Variants in PI4KA observed in about 807,000 individuals in gnomAD.
PI4KA encodes the protein PI4-kinase alpha.
Under a neutral mutation model 271.4 loss-of-function variants are expected in PI4KA, and 122 were observed. The ratio of observed to expected loss-of-function variants is 0.45; its 90% CI spans 0.39 to 0.52. PI4KA has a LOEUF of 0.52. Among genes scored for constraint, PI4KA ranks in the 20% least tolerant of loss-of-function variants. The probability of loss-of-function intolerance (pLI) is 0.00; values close to 1 mark genes in which losing one functional copy is unlikely to be tolerated. For missense variants in PI4KA, 1,969 were observed against 2,769.1 expected, an observed-to-expected ratio of 0.71 and a Z score of 6.48; for synonymous variants, 1,041 against 1,078.8, an observed-to-expected ratio of 0.96 and a Z score of 0.69.
intron 19 of PI4KA, among the ~76,000 whole-genome samples, chr22:20,780,775 C>CAAAAAAAAAAAAAAAAAAAA (rs538327544): frequency 5.8e-4 from 39 of 67,600 alleles, no homozygotes; most frequent in African/African-American, 1.1e-3. Flanking sequence ...GACTCCATCT[C>CAAAAAAAAAAAAAAAAAAAA]AAAAAAAAAA....
At chr22:20,818,956 T>C (rs541244654) in intron 6 of PI4KA, among the ~76,000 whole-genome samples, 14 of 152,100 alleles carry the variant, frequency 9.2e-5, no homozygotes, top group Non-Finnish European at 1.8e-4. Context: ...ACACCACCTG[T>C]AGGGTATTTG....
Position 20,805,832 on chromosome 22 carries a change from C to CA in PI4KA, c.1169-668dup, listed in dbSNP as rs362153. On this transcript the variant is annotated intron_variant, in intron 10 of 54. Coordinates refer to ENST00000255882, the MANE Select transcript of PI4KA (RefSeq NM_058004.4). ...GGGCGACAGAGCGAGACTCCCATCT[C>CA]AAAAAAAAAAAAAAAAAGAAAGAAA... Among the ~76,000 whole-genome samples the CA allele has an allele frequency of 2.9e-3, 307 of 105,156 alleles. 3 individuals carry two copies. The highest frequency in any genetic ancestry group is 0.011 in the East Asian group (40 of 3,748). The allele number at this position is 105,156 out of a possible 152,430, so 69.0% of individuals were successfully genotyped here.
chr22:20,844,611 T>C (rs1331313666), intron 1 of PI4KA, among the ~76,000 whole-genome samples: 1 of 152,220 alleles, frequency 6.6e-6, no homozygotes, highest in East Asian at 1.9e-4. Context: ...CAAAATGCTC[T>C]TGGAAACTGG....
At chr22:20,737,634 C>CTTT (rs760945752) in intron 32 of PI4KA, among the ~76,000 whole-genome samples, 4,743 of 141,270 alleles carry the variant, frequency 0.034, 112 homozygotes, top group Middle Eastern at 0.067. Context: ...TACTCTTTTT[C>CTTT]TTTTTTTTTT....
At position 20,764,960 on chromosome 22, in the gene PI4KA, G is replaced by C. The variant is rs1328621925; in HGVS notation, c.2575-10C>G. The C allele has an allele frequency of 6.2e-7, 1 of 1,600,732 alleles. No individual in the cohort carries two copies. Among genetic ancestry groups the C allele is most frequent in the Admixed American group, 1.7e-5 (1 of 59,340 alleles). On this transcript the variant is annotated splice_polypyrimidine_tract_variant and intron_variant, in intron 21 of 54. Transcript: ENST00000255882. ...GCTCACTCAGCTCAGCCTGGAGGGA[G>C]AGAAACATCCGAGGGCTCATGGGGC...
chr22:20,808,684 A>C (rs545164561), intron 9 of PI4KA, among the ~76,000 whole-genome samples: 3 of 143,580 alleles, frequency 2.1e-5, no homozygotes, highest in Non-Finnish European at 4.6e-5. Flanking sequence ...CGTTTTTTTC[A>C]TTTTTTTTTT....
intron 2 of PI4KA, among the ~76,000 whole-genome samples, chr22:20,837,964 CA>C (rs1212501961): frequency 6.6e-6 from 1 of 151,676 alleles, no homozygotes; most frequent in Non-Finnish European, 1.5e-5. Context: ...ACTAAAAATA[CA>C]AAAAAATTAG....
chr22:20,756,933 GGTAA>G (rs540679884), intron 23 of PI4KA, among the ~76,000 whole-genome samples: 39 of 152,202 alleles, frequency 2.6e-4, no homozygotes, highest in Admixed American at 6.5e-4. Context: ...CCGGCCCTAA[GGTAA>G]GTAAGATTTT....
intron 18 of PI4KA, among the ~76,000 whole-genome samples, chr22:20,794,102 A>T (rs956307481): frequency 1.3e-5 from 2 of 152,202 alleles, no homozygotes; most frequent in African/African-American, 2.4e-5. Flanking sequence ...ACTCACAAAA[A>T]TTTTTTTGAA....
chr22:20,833,152 G>A (rs182217585), intron 3 of PI4KA, among the ~76,000 whole-genome samples: 112 of 152,112 alleles, frequency 7.4e-4, no homozygotes, highest in African/African-American at 2.6e-3. Context: ...ATTTTTGGGG[G>A]ACTAAGGCTC....
At chr22:20,769,678 A>AG (rs1932788807) in intron 19 of PI4KA, among the ~76,000 whole-genome samples, 1 of 152,002 alleles carries the variant, frequency 6.6e-6, no homozygotes, top group Non-Finnish European at 1.5e-5. Flanking sequence ...CAAAAAAAAA[A>AG]AAAAATCAAG....
At chr22:20,730,695 C>T (rs567447328) in intron 36 of PI4KA, among the ~76,000 whole-genome samples, 10 of 151,908 alleles carry the variant, frequency 6.6e-5, no homozygotes, top group East Asian at 5.8e-4. Context: ...CTCAGCCTCC[C>T]GAATAGCTGG....
At chr22:20,757,763 C>T (rs867420463) in intron 23 of PI4KA, among the ~76,000 whole-genome samples, 14 of 152,188 alleles carry the variant, frequency 9.2e-5, no homozygotes, top group South Asian at 6.2e-4. Flanking sequence ...AGGCTGGTCT[C>T]GAACTCCTGA....
chr22:20,795,427 AAAAAC>A (rs1181616081), intron 18 of PI4KA, among the ~76,000 whole-genome samples: 1 of 152,220 alleles, frequency 6.6e-6, no homozygotes, highest in Non-Finnish European at 1.5e-5. Flanking sequence ...AAAAAAATAC[AAAAAC>A]AAAACTTGAG....
chr22:20,727,078 C>T (rs1439777805), intron 41 of PI4KA, 152 bp downstream of exon 41: 5 of 610,798 alleles, frequency 8.2e-6, no homozygotes, highest in East Asian at 3.1e-5. Flanking sequence ...GAACTAAATC[C>T]ATCTTCTACA....
At chr22:20,721,606 C>G in intron 42 of PI4KA, 188 bp from the exon 43 acceptor site, 1 of 594,122 alleles carries the variant, frequency 1.7e-6, no homozygotes, top group Non-Finnish European at 3.0e-6. Context: ...TTCCAGCTGG[C>G]TGGGGGCTGG....
At chr22:20,799,332 G>C (rs952092681) in intron 15 of PI4KA, 56 bp from the exon 16 acceptor site, 9 of 1,426,400 alleles carry the variant, frequency 6.3e-6, no homozygotes, top group African/African-American at 5.8e-5. Context: ...ATGCAGTAGT[G>C]AAACAGTACC....
At chr22:20,746,148 C>T (rs1034044916) in intron 29 of PI4KA, among the ~76,000 whole-genome samples, 3 of 149,834 alleles carry the variant, frequency 2.0e-5, no homozygotes, top group East Asian at 3.9e-4. Flanking sequence ...CTGCAAGCTC[C>T]GCCTCCCGGG....
At chr22:20,748,858 T>G (rs1457567935) in intron 28 of PI4KA, among the ~76,000 whole-genome samples, 1 of 151,920 alleles carries the variant, frequency 6.6e-6, no homozygotes. Flanking sequence ...CGGGGAAGGC[T>G]GAGGCTGGGC....
Sources: gnomAD v4.1 joint callset for allele counts (sites outside exome capture counted in the v4.1 genomes callset) on GRCh38, gnomAD v4.1.1 for gene constraint, MANE v1.5 for transcripts, NCBI Gene and HGNC (gene_info 2026-07-23, HGNC 2026-07-21) for gene names.